TVP23C: variants seen among roughly 807,000 people sequenced by gnomAD.
TVP23C encodes the protein Golgi apparatus membrane protein TVP23 homolog C.
A neutral mutation model predicts 28.7 loss-of-function variants in TVP23C; 19 were observed. The observed-to-expected ratio is 0.66, with a 90% CI of 0.46 to 0.97. TVP23C has a LOEUF of 0.97. Among genes scored for constraint, TVP23C ranks in the 50% least tolerant of loss-of-function variants. The pLI is 0.00. For missense variants in TVP23C, 186 were observed against 241.3 expected, an observed-to-expected ratio of 0.77 and a Z score of 1.52; for synonymous variants, 68 against 81.7, an observed-to-expected ratio of 0.83 and a Z score of 0.90.
chr17:15,502,642 G>C (rs1445507767), exon 6 of TVP23C: 2 of 749,540 alleles, frequency 2.7e-6, no homozygotes, highest in Non-Finnish European at 1.9e-6. Flanking sequence ...CGCTTGCAGG[G>C]ACCACGCTGC....
At chr17:15,505,864 C>T (rs1981709284) in intron 5 of TVP23C, among the ~76,000 whole-genome samples, 1 of 152,232 alleles carries the variant, frequency 6.6e-6, no homozygotes, top group South Asian at 2.1e-4. Flanking sequence ...CTGGGTCCCC[C>T]AGCAGTGCCA....
intron 3 of TVP23C, among the ~76,000 whole-genome samples, chr17:15,550,570 A>G (rs2150856818): frequency 6.6e-6 from 1 of 152,316 alleles, no homozygotes; most frequent in South Asian, 2.1e-4. Flanking sequence ...TGGTTTGTTT[A>G]AGATAGTAGT....
chr17:15,512,625 T>C (rs1982047620), intron 5 of TVP23C, among the ~76,000 whole-genome samples: 1 of 152,264 alleles, frequency 6.6e-6, no homozygotes, highest in Non-Finnish European at 1.5e-5. Flanking sequence ...CCATGCTCTC[T>C]GCTTTGCATA....
At chr17:15,520,272 C>G (rs147287471) in intron 5 of TVP23C, among the ~76,000 whole-genome samples, 2,663 of 150,570 alleles carry the variant, frequency 0.018, 86 homozygotes, top group African/African-American at 0.06. Context: ...TCTCTAAAGA[C>G]AGTTTTCATA....
exon 6 of TVP23C, chr17:15,502,599 G>C: frequency 2.2e-6 from 1 of 457,116 alleles, no homozygotes; most frequent in East Asian, 3.9e-5. Flanking sequence ...CACAAAGCAG[G>C]CGTGCTGGGG....
chr17:15,532,100 C>T (rs1268527349), downstream of TVP23C, among the ~76,000 whole-genome samples: 2 of 152,170 alleles, frequency 1.3e-5, no homozygotes, highest in East Asian at 3.9e-4. Context: ...CTCACCTTTA[C>T]CTGACTTTCT....
intron 5 of TVP23C, among the ~76,000 whole-genome samples, chr17:15,524,814 T>A (rs1275410486): frequency 6.6e-6 from 1 of 152,078 alleles, no homozygotes. Context: ...CATCCTAAGA[T>A]ACAAGGTTGC....
At chr17:15,561,832 C>T (rs1354380922) in intron 1 of TVP23C, among the ~76,000 whole-genome samples, 1 of 152,104 alleles carries the variant, frequency 6.6e-6, no homozygotes, top group Admixed American at 6.5e-5. Flanking sequence ...TTCTAAATCA[C>T]AGGATGAGAT....
At chr17:15,503,690 CTT>C (rs1981593973) in intron 5 of TVP23C, 1 of 152,928 alleles carries the variant, frequency 6.5e-6, no homozygotes, top group African/African-American at 2.4e-5. Flanking sequence ...TGCAAGTTGA[CTT>C]ATAAGTATAT....
In TVP23C at chr17:15,555,326, A is replaced by C; in HGVS notation, c.51T>G (p.Asp17Glu). The change falls in exon 2 of 6, where the codon GAT becomes GAG. Residue 17 changes from aspartate (D) to glutamate (E), a missense_variant. Around this residue, in one of 3 missense-constraint regions of TVP23C, gnomAD observed 92 missense variants for 94.3 expected, o/e 0.98. Coordinates refer to ENST00000518321, the MANE Select transcript of TVP23C (RefSeq NM_001135036.2). The part of the protein sequence containing the change: ...NDDTEDVSLF[D>E]AEEETTNRPR... ...GTCTATTAGTCGTCTCCTCTTCCGCATCAAACAGTGAAACATCTTCAGTGT... is the reference window on the plus strand; with the variant it reads ...GTCTATTAGTCGTCTCCTCTTCCGCCTCAAACAGTGAAACATCTTCAGTGT... The C allele has an allele frequency of 1.2e-6, 2 of 1,613,970 alleles. No homozygotes were observed. The highest frequency in any genetic ancestry group is 8.5e-7 in the Non-Finnish European group (1 of 1,179,856).
chr17:15,563,272 C>T, intron 1 of TVP23C, 165 bp downstream of exon 1: 1 of 1,347,808 alleles, frequency 7.4e-7, no homozygotes, highest in Admixed American at 2.5e-5. Context: ...CTCAGAACCC[C>T]CAGCAGCCCT....
chr17:15,515,135 T>G (rs1466114367), intron 5 of TVP23C, among the ~76,000 whole-genome samples: 1 of 152,016 alleles, frequency 6.6e-6, no homozygotes, highest in Non-Finnish European at 1.5e-5. Context: ...AGTCGATGAC[T>G]GACAGATGTG....
At chr17:15,503,228 C>T in exon 6 of TVP23C, 1 of 1,501,544 alleles carries the variant, frequency 6.7e-7, no homozygotes, top group Non-Finnish European at 8.9e-7. Flanking sequence ...GTGGCGAGAC[C>T]GTCTCTACAA....
chr17:15,556,649 C>G (rs958169901), intron 1 of TVP23C, among the ~76,000 whole-genome samples: 18 of 152,124 alleles, frequency 1.2e-4, no homozygotes, highest in Non-Finnish European at 2.5e-4. Context: ...CCACCATGCC[C>G]GGCCCCATAA....
At chr17:15,528,478 G>A (rs1426816866) in intron 5 of TVP23C, among the ~76,000 whole-genome samples, 5 of 152,014 alleles carry the variant, frequency 3.3e-5, no homozygotes, top group East Asian at 1.9e-4. Context: ...GTATGACTTC[G>A]ATTATTTTAA....
chr17:15,556,707 C>T (rs183436006), intron 1 of TVP23C, among the ~76,000 whole-genome samples: 2 of 152,144 alleles, frequency 1.3e-5, no homozygotes, highest in Non-Finnish European at 2.9e-5. Context: ...TGCAATTCCC[C>T]TCAACTACAA....
chr17:15,553,787 A>T lies in TVP23C; in HGVS notation c.138T>A (p.Ser46Arg), dbSNP rs1297730865. The change falls in exon 3 of 6, where the codon AGT (serine) becomes AGA (arginine). Residue 46 changes from serine (S) to arginine (R), a missense_variant. Around this residue, in one of 3 missense-constraint regions of TVP23C, gnomAD observed 92 missense variants for 94.3 expected, o/e 0.98. Transcript: ENST00000518321. ...CACAGAGAAGACAGACGATGATTGC[A>T]CTGACTCGAAAGAATAAGTGGAAAA... is the stretch of plus-strand genomic sequence containing the variant. ...ASFFHLFFRV[S>R]AIIVCLLCEL... 2 of 1,613,982 alleles carry T rather than the reference A, an allele frequency of 1.2e-6. No individual in the cohort carries two copies. The highest frequency in any genetic ancestry group is 2.2e-5 in the South Asian group (2 of 91,078).
chr17:15,532,275 G>C (rs1982979933), downstream of TVP23C, among the ~76,000 whole-genome samples: 1 of 152,184 alleles, frequency 6.6e-6, no homozygotes, highest in Admixed American at 6.5e-5. Context: ...ACAACCTGAG[G>C]ATAGTTTCCT....
rs1983679771 is a variant in TVP23C at position 15,547,096 on chromosome 17, T to A, written c.293A>T (p.Glu98Val). The A allele has an allele frequency of 2.5e-6, 4 of 1,608,064 alleles. No individual in the cohort carries two copies. Among genetic ancestry groups the A allele is most frequent in the Non-Finnish European group, 3.4e-6 (4 of 1,178,440 alleles). ...AAACACCCAATGGCTCTTTCCATCT[T>A]CATCAATGTGATTCCACCAACGTAG... is the stretch of plus-strand genomic sequence containing the variant. Reference protein sequence around the residue: ...VGLRWWNHIDEDGKSHWVFES... With the variant: ...VGLRWWNHIDVDGKSHWVFES... Residue 98 changes from glutamate (E) to valine (V), a missense_variant, in exon 4 of 6, where the codon GAA becomes GTA. Glu to Val is a moderately radical substitution (Grantham distance 121). Coordinates refer to ENST00000518321, the MANE Select transcript of TVP23C (RefSeq NM_001135036.2).
Sources: allele counts gnomAD v4.1 joint callset (sites outside exome capture counted in the v4.1 genomes callset), GRCh38; gene constraint gnomAD v4.1.1; regional missense constraint gnomAD v4.1.1; transcripts MANE v1.5; gene names NCBI Gene and HGNC (gene_info 2026-07-23, HGNC 2026-07-21).